The following NRG1 variants were observed in gnomAD, a reference collection of about 807,000 sequenced individuals.
NRG1 encodes neuregulin 1.
A neutral mutation model predicts 63.8 loss-of-function variants in NRG1; 18 were observed. The observed-to-expected ratio is 0.28, with a 90% CI of 0.19 to 0.42. The LOEUF is 0.42. Among genes scored for constraint, NRG1 ranks in the 10% least tolerant of loss-of-function variants. The pLI is 1.00. For missense variants in NRG1, 762 were observed against 814.7 expected (o/e 0.94, Z 0.79); for synonymous variants, 302 against 301.3 (o/e 1.00, Z -0.02).
At chr8:32,123,854 G>T (rs1008886509) in intron 1 of NRG1, among the ~76,000 whole-genome samples, 1 of 151,826 alleles carries the variant, frequency 6.6e-6, no homozygotes, top group African/African-American at 2.4e-5. Context: ...TCACAGCCAT[G>T]CTGTTAAAGA....
intron 1 of NRG1, among the ~76,000 whole-genome samples, chr8:32,318,449 T>C (rs1260871287): frequency 6.6e-6 from 1 of 152,144 alleles, no homozygotes; most frequent in Non-Finnish European, 1.5e-5. Context: ...ACAATCTTAA[T>C]GTTTTTGCAT....
intron 5 of NRG1, among the ~76,000 whole-genome samples, chr8:32,677,535 G>A (rs1242686136): frequency 6.6e-6 from 1 of 151,992 alleles, no homozygotes; most frequent in Non-Finnish European, 1.5e-5. Context: ...GCACATTCCT[G>A]TAGTCCCAGC....
intron 1 of NRG1, among the ~76,000 whole-genome samples, chr8:32,354,658 C>T (rs866137237): frequency 6.6e-6 from 1 of 150,464 alleles, no homozygotes. Flanking sequence ...TCTGGAAGGC[C>T]GAGGTGGGAG....
chr8:32,649,822 A>G (rs1053650851), intron 5 of NRG1, among the ~76,000 whole-genome samples: 1 of 152,240 alleles, frequency 6.6e-6, no homozygotes, highest in Non-Finnish European at 1.5e-5. Flanking sequence ...TCTGACAGAC[A>G]TCACTGCCTT....
intron 1 of NRG1, among the ~76,000 whole-genome samples, chr8:31,815,267 C>T (rs892428970): frequency 4.6e-5 from 7 of 152,074 alleles, no homozygotes; most frequent in African/African-American, 7.2e-5. Flanking sequence ...ACTTAAGCCC[C>T]GGGCACCACT....
At chr8:32,760,361 C>A (rs540140464) in exon 11 of NRG1, 4 of 1,613,920 alleles carry the variant, frequency 2.5e-6, no homozygotes, top group Admixed American at 3.3e-5. Context: ...CTCAGGCATG[C>A]CAGAGAAACC....
At chr8:32,650,655 CAAAAAAAA>C (rs59103241) in intron 5 of NRG1, among the ~76,000 whole-genome samples, 4 of 57,818 alleles carry the variant, frequency 6.9e-5, no homozygotes, top group Non-Finnish European at 8.8e-5. Context: ...TAATGGAAAG[CAAAAAAAA>C]AAAAAAAAAA....
intron 1 of NRG1, among the ~76,000 whole-genome samples, chr8:32,128,502 C>A (rs905275286): frequency 6.6e-6 from 1 of 152,022 alleles, no homozygotes; most frequent in South Asian, 2.1e-4. Flanking sequence ...CATCTCTGGT[C>A]TACTTTCCTC....
intron 1 of NRG1, among the ~76,000 whole-genome samples, chr8:32,404,586 T>G (rs1220574396): frequency 5.0e-5 from 1 of 20,122 alleles, no homozygotes; most frequent in Admixed American, 7.7e-4. Flanking sequence ...CTTCTTCATC[T>G]TTTTTTTTTT....
chr8:32,019,301 T>C (rs1418136326), intron 1 of NRG1, among the ~76,000 whole-genome samples: 2 of 152,174 alleles, frequency 1.3e-5, no homozygotes, highest in East Asian at 1.9e-4. Flanking sequence ...GTTTTCACCA[T>C]GTTAGCCAGG....
rs542842145 is a variant in NRG1 at position 32,011,784 on chromosome 8, T to C, written c.37+372353T>C. ...GCTAGGCTTGGATGCCTAGGAAATT[T>C]ACCTGGAGGCTTCTGAGTAACTGAA... On this transcript the variant is annotated intron_variant, in intron 1 of 10. Coordinates refer to the NRG1 transcript ENST00000519301. Among the ~76,000 whole-genome samples, 4 of 152,218 alleles carry C rather than the reference T, an allele frequency of 2.6e-5. No homozygotes were observed. In the East Asian group the frequency reaches 5.8e-4, roughly 22 times the overall value.
chr8:31,694,455 T>A (rs1350494163), intron 1 of NRG1, among the ~76,000 whole-genome samples: 1 of 152,234 alleles, frequency 6.6e-6, no homozygotes, highest in Non-Finnish European at 1.5e-5. Context: ...TCAATTTTTC[T>A]TTAGTGAAGA....
intron 1 of NRG1, among the ~76,000 whole-genome samples, chr8:31,740,244 T>C (rs1055938511): frequency 6.6e-6 from 1 of 152,086 alleles, no homozygotes; most frequent in Non-Finnish European, 1.5e-5. Flanking sequence ...TCAAGAAATA[T>C]TTGAGATGCC....
rs536414049 is a variant in NRG1 at position 31,974,657 on chromosome 8, C to T, written c.37+335226C>T. Among the ~76,000 whole-genome samples the T allele has an allele frequency of 9.5e-4, 145 of 152,334 alleles. 1 individual carries two copies. Among genetic ancestry groups the T allele is most frequent in the Non-Finnish European group, 1.2e-3 (80 of 68,038 alleles). The stretch of plus-strand genomic sequence containing the variant: ...CTATGTTTACATGGGCCTTCCACTT[C>T]ACAGGCAAGAACCGCACTACTGAAT... On this transcript the variant is annotated intron_variant, in intron 1 of 10. Coordinates refer to the NRG1 transcript ENST00000519301.
intron 1 of NRG1, among the ~76,000 whole-genome samples, chr8:32,585,367 G>GTTCTTATAATT (rs1841410173): frequency 6.6e-6 from 1 of 152,190 alleles, no homozygotes; most frequent in Non-Finnish European, 1.5e-5. Flanking sequence ...GTCCGAGAGT[G>GTTCTTATAATT]AGATGTTCTT....
At chr8:32,391,775 T>C (rs574513916) in intron 1 of NRG1, among the ~76,000 whole-genome samples, 14 of 152,332 alleles carry the variant, frequency 9.2e-5, no homozygotes, top group African/African-American at 3.1e-4. Context: ...TGATGGGCAT[T>C]TAGGTTGATT....
At chr8:32,344,324 C>CTCTTTTCTT (rs1554513605) in intron 1 of NRG1, among the ~76,000 whole-genome samples, 1 of 64,096 alleles carries the variant, frequency 1.6e-5, no homozygotes, top group Non-Finnish European at 3.3e-5. Flanking sequence ...TTCCTTCTTT[C>CTCTTTTCTT]TCTTTCTTTC....
intron 1 of NRG1, among the ~76,000 whole-genome samples, chr8:32,033,749 CTTG>C (rs1818623710): frequency 6.6e-6 from 1 of 151,998 alleles, no homozygotes; most frequent in South Asian, 2.1e-4. Flanking sequence ...TGGCTCTCTG[CTTG>C]TTATTGTTGG....
intron 1 of NRG1, among the ~76,000 whole-genome samples, chr8:32,159,093 T>A (rs1433937894): frequency 6.6e-6 from 1 of 152,156 alleles, no homozygotes; most frequent in African/African-American, 2.4e-5. Context: ...GACTTTTGAG[T>A]TGACTAAAGA....
Sources: gnomAD v4.1 joint callset for allele counts (sites outside exome capture counted in the v4.1 genomes callset) on GRCh38, gnomAD v4.1.1 for gene constraint, MANE v1.5 for transcripts, NCBI Gene and HGNC (gene_info 2026-07-23, HGNC 2026-07-21) for gene names.